The following NFAM1 variants were observed in gnomAD, a reference collection of about 807,000 sequenced individuals.
The protein encoded by NFAM1 is NFAT activation molecule 1.
A neutral mutation model predicts 29.0 loss-of-function variants in NFAM1; 17 were observed. That is an observed-to-expected ratio of 0.59 (90% CI 0.40 to 0.88). NFAM1 has a LOEUF of 0.88. Ranked by LOEUF, NFAM1 falls within the 40% of genes least tolerant of loss-of-function variation. The probability of loss-of-function intolerance (pLI) is 0.00; values close to 1 mark genes in which losing one functional copy is unlikely to be tolerated. For missense variants in NFAM1, 324 were observed against 344.6 expected (o/e 0.94, Z 0.47); for synonymous variants, 175 against 147.2 (o/e 1.19, Z -1.36).
chr22:42,407,351 G>T (rs1055475147), intron 3 of NFAM1, among the ~76,000 whole-genome samples: 1 of 152,032 alleles, frequency 6.6e-6, no homozygotes, highest in African/African-American at 2.4e-5. Context: ...CAAAGTGCCA[G>T]GATTACAAGC....
At chr22:42,395,289 CA>C (rs1883637067) in intron 4 of NFAM1, among the ~76,000 whole-genome samples, 1 of 151,728 alleles carries the variant, frequency 6.6e-6, no homozygotes, top group Non-Finnish European at 1.5e-5. Context: ...GCCTGGCCAA[CA>C]TGGCAAAACC....
intron 4 of NFAM1, among the ~76,000 whole-genome samples, chr22:42,390,998 C>T (rs1442958895): frequency 6.6e-6 from 1 of 152,196 alleles, no homozygotes; most frequent in African/African-American, 2.4e-5. Flanking sequence ...TTCAAGGGAT[C>T]GGAACTGACC....
At chr22:42,401,480 G>A (rs1929724679) in intron 3 of NFAM1, among the ~76,000 whole-genome samples, 13 of 152,082 alleles carry the variant, frequency 8.5e-5, no homozygotes, top group Admixed American at 7.9e-4. Flanking sequence ...CTGGCAAGGG[G>A]AGGAGGCAGG....
chr22:42,416,688 G>A (rs947697155), intron 1 of NFAM1, among the ~76,000 whole-genome samples: 2 of 152,194 alleles, frequency 1.3e-5, no homozygotes, highest in African/African-American at 4.8e-5. Context: ...AGGCTGAGAG[G>A]GGCTTTAGCG....
At chr22:42,429,210 C>T (rs1930718573) in intron 1 of NFAM1, among the ~76,000 whole-genome samples, 1 of 152,312 alleles carries the variant, frequency 6.6e-6, no homozygotes, top group Admixed American at 6.5e-5. Flanking sequence ...GCACTCAGTC[C>T]TCAGGATGTG....
At chr22:42,412,916 C>T (rs564860669) in intron 1 of NFAM1, among the ~76,000 whole-genome samples, 1 of 152,192 alleles carries the variant, frequency 6.6e-6, no homozygotes, top group Non-Finnish European at 1.5e-5. Flanking sequence ...CCCCTCCCCC[C>T]ACTCATCAGA....
rs770966509 is a variant in NFAM1 at position 42,388,939 on chromosome 22, G to A, written c.664-1861C>T. Among the ~76,000 whole-genome samples the A allele has an allele frequency of 2.0e-5, 3 of 152,176 alleles. No individual in the cohort carries two copies. The highest frequency in any genetic ancestry group is 4.4e-5 in the Non-Finnish European group (3 of 68,028). On this transcript the variant is annotated intron_variant, in intron 4 of 5. Coordinates refer to ENST00000329021, the MANE Select transcript of NFAM1 (RefSeq NM_145912.8). This position sits in a 1 kb window ranked among gnomAD's most constrained non-coding sequence, Gnocchi z 4.1. ...TCCTGCCCTGCCTTGTGCGGCCTTCGTGCCTGTCCGGAGCACCAGCCACCC... is the reference window on the plus strand; with the variant it reads ...TCCTGCCCTGCCTTGTGCGGCCTTCATGCCTGTCCGGAGCACCAGCCACCC...
chr22:42,402,830 TC>T (rs138413811), intron 3 of NFAM1, among the ~76,000 whole-genome samples: 1 of 129,048 alleles, frequency 7.7e-6, no homozygotes, highest in Non-Finnish European at 1.6e-5. Flanking sequence ...CTCTGTGCCT[TC>T]TTTTTTTTTT....
chr22:42,403,021 G>A (rs1403488404), intron 3 of NFAM1, among the ~76,000 whole-genome samples: 1 of 151,310 alleles, frequency 6.6e-6, no homozygotes, highest in Admixed American at 6.6e-5. Flanking sequence ...TGTATTTTTA[G>A]TAGAGACAGG....
At chr22:42,417,867 C>T (rs1352244081) in intron 1 of NFAM1, among the ~76,000 whole-genome samples, 1 of 152,122 alleles carries the variant, frequency 6.6e-6, no homozygotes, top group Non-Finnish European at 1.5e-5. Flanking sequence ...CTGGGAGGGC[C>T]CCCGCCCCGT....
At chr22:42,421,176 C>T (rs1930431539) in intron 1 of NFAM1, among the ~76,000 whole-genome samples, 1 of 145,934 alleles carries the variant, frequency 6.9e-6, no homozygotes, top group Admixed American at 6.8e-5. Flanking sequence ...ATGGGCTAGG[C>T]GCAGTGGCTC....
At chr22:42,414,329 T>A (rs949693993) in intron 1 of NFAM1, among the ~76,000 whole-genome samples, 5 of 152,088 alleles carry the variant, frequency 3.3e-5, no homozygotes, top group African/African-American at 9.7e-5. Flanking sequence ...TGTTTAATGA[T>A]AACATTACAT....
chr22:42,405,189 C>T (rs1009444894), intron 3 of NFAM1, among the ~76,000 whole-genome samples: 17 of 152,260 alleles, frequency 1.1e-4, no homozygotes, highest in East Asian at 3.9e-4. Context: ...CCAGTTTCTA[C>T]GGTCCGGTCC....
At chr22:42,397,328 A>T (rs183239587) in intron 4 of NFAM1, among the ~76,000 whole-genome samples, 1 of 152,294 alleles carries the variant, frequency 6.6e-6, no homozygotes, top group East Asian at 1.9e-4. Context: ...CAGAGAGTGG[A>T]ACAAACAGGG....
intron 3 of NFAM1, among the ~76,000 whole-genome samples, chr22:42,405,424 G>A (rs1018006597): frequency 6.6e-6 from 1 of 152,142 alleles, no homozygotes; most frequent in Non-Finnish European, 1.5e-5. Context: ...TCCTCCCCTG[G>A]CCTCATTTCG....
At chr22:42,396,108 A>C (rs1017210685) in intron 4 of NFAM1, among the ~76,000 whole-genome samples, 3 of 152,034 alleles carry the variant, frequency 2.0e-5, no homozygotes, top group Non-Finnish European at 4.4e-5. Flanking sequence ...GTAGACCCTT[A>C]TGTCAAGGGC....
chr22:42,437,972 C>T, the NFAM1 span: 1 of 152,256 alleles, frequency 6.6e-6, no homozygotes, highest in Non-Finnish European at 1.5e-5. Flanking sequence ...GCTGGAAACG[C>T]CGCACAGTCT....
At position 42,409,810 on chromosome 22, in the gene NFAM1, T is replaced by G. The variant is rs7292980; in HGVS notation, c.452-263A>C. Among the ~76,000 whole-genome samples the G allele has an allele frequency of 4.9e-3, 744 of 152,318 alleles. 5 individuals are homozygous for G. The highest frequency in any genetic ancestry group is 0.017 in the African/African-American group (725 of 41,588). ...CTGCCCCCGTGACCTGGCTCCCCTG[T>G]GGGCTGCTTGTAGGGCCCTGAGCGA... On this transcript the variant is annotated intron_variant, in intron 2 of 5. Coordinates refer to ENST00000329021, the MANE Select transcript of NFAM1 (RefSeq NM_145912.8). This position sits in a 1 kb window ranked among gnomAD's most constrained non-coding sequence, Gnocchi z 4.9.
At position 42,419,989 on chromosome 22, in the gene NFAM1, G is replaced by GTTTTTTT. The variant is rs1491236869; in HGVS notation, c.122-8254_122-8253insAAAAAAA. Among the ~76,000 whole-genome samples the GTTTTTTT allele has an allele frequency of 1.7e-3, 98 of 56,528 alleles. 15 individuals are homozygous for GTTTTTTT. The highest frequency in any genetic ancestry group is 2.3e-3 in the Non-Finnish European group (67 of 29,690). 37.1% of individuals were successfully genotyped at this position (56,528 alleles called of 152,430 possible). A position where few individuals can be genotyped will look rare whatever the true frequency, so the allele number is the denominator to read the frequency against. ...CCTTTGAGTCTGTAATCCCACTCTTGGTTTTTTTTTTTTTTTTTTTTTTTT... is the reference window on the plus strand; with the variant it reads ...CCTTTGAGTCTGTAATCCCACTCTTGTTTTTTTGTTTTTTTTTTTTTTTTTTTTTTTT... On this transcript the variant is annotated intron_variant, in intron 1 of 5. Coordinates refer to ENST00000329021, the MANE Select transcript of NFAM1 (RefSeq NM_145912.8). This position sits in a 1 kb window ranked among gnomAD's most constrained non-coding sequence, Gnocchi z 4.5.
Sources: gnomAD v4.1 joint callset for allele counts (sites outside exome capture counted in the v4.1 genomes callset) on GRCh38, gnomAD v4.1.1 for gene constraint, Gnocchi (gnomAD v3.1) non-coding constraint, MANE v1.5 for transcripts, NCBI Gene and HGNC (gene_info 2026-07-23, HGNC 2026-07-21) for gene names.